The following SGSM2 variants were observed in gnomAD, a reference collection of about 807,000 sequenced individuals.
SGSM2 encodes the protein small G protein signaling modulator 2, also known as RUN and TBC1 domain containing 1.
Under a neutral mutation model 126.6 loss-of-function variants are expected in SGSM2, and 89 were observed. The ratio of observed to expected loss-of-function variants is 0.70; its 90% CI spans 0.59 to 0.84. The LOEUF is 0.84. Ranked by LOEUF, SGSM2 falls within the 40% of genes least tolerant of loss-of-function variation. The pLI is 0.00. For missense variants in SGSM2, 1,404 were observed against 1,416.6 expected, an observed-to-expected ratio of 0.99 and a Z score of 0.14; for synonymous variants, 614 against 574.3, an observed-to-expected ratio of 1.07 and a Z score of -0.99.
intron 1 of SGSM2, among the ~76,000 whole-genome samples, chr17:2,340,799 T>C (rs182688702): frequency 6.4e-4 from 98 of 152,158 alleles, no homozygotes; most frequent in Non-Finnish European, 8.8e-4. Flanking sequence ...TTAGCCAGGA[T>C]GGTCTCGATC....
chr17:2,359,532 G>A (rs192263241), intron 2 of SGSM2, among the ~76,000 whole-genome samples: 1 of 152,228 alleles, frequency 6.6e-6, no homozygotes, highest in Non-Finnish European at 1.5e-5. Context: ...TGGGGTAAAG[G>A]GGGGACTGAG....
At chr17:2,375,387 G>A (rs1356979641) in intron 17 of SGSM2, 105 bp from the exon 18 acceptor site, 14 of 1,387,100 alleles carry the variant, frequency 1.0e-5, no homozygotes, top group East Asian at 2.3e-5. Flanking sequence ...GTGGGAGAGG[G>A]GGTGTGAAGA....
At chr17:2,343,185 C>T (rs527829127) in intron 1 of SGSM2, among the ~76,000 whole-genome samples, 4 of 152,078 alleles carry the variant, frequency 2.6e-5, no homozygotes, top group Admixed American at 6.6e-5. Context: ...CAGGCTGTAC[C>T]GAGATGGTTT....
chr17:2,365,103 C>T (rs1316082085), intron 10 of SGSM2, 46 bp downstream of exon 10: 5 of 1,600,524 alleles, frequency 3.1e-6, no homozygotes, highest in South Asian at 1.1e-5. Flanking sequence ...GTGTGGGGTT[C>T]TCTGCCCGCC....
chr17:2,352,482 G>C (rs1044166417), intron 2 of SGSM2, among the ~76,000 whole-genome samples: 1 of 152,136 alleles, frequency 6.6e-6, no homozygotes, highest in Non-Finnish European at 1.5e-5. Flanking sequence ...CTGCCAACTT[G>C]CTGTCCTCCC....
chr17:2,358,858 TTTG>T (rs1202997749), intron 2 of SGSM2, among the ~76,000 whole-genome samples: 31 of 134,046 alleles, frequency 2.3e-4, no homozygotes, highest in African/African-American at 7.3e-4. Flanking sequence ...GGGGCTCTTT[TTTG>T]TTGTTGTTGT....
chr17:2,376,851 A>G, intron 20 of SGSM2, 36 bp downstream of exon 20: 1 of 1,612,956 alleles, frequency 6.2e-7, no homozygotes, highest in South Asian at 1.1e-5. Flanking sequence ...GGGCTGCGTA[A>G]GCTGGAGAAA....
At position 2,373,480 on chromosome 17, in the gene SGSM2, C is replaced by T. The variant is rs751364266; in HGVS notation, c.2067C>T (p.Arg689=). 2 of 1,599,182 alleles carry T rather than the reference C, an allele frequency of 1.3e-6. No homozygotes were observed. The highest frequency in any genetic ancestry group is 1.4e-5 in the African/African-American group (1 of 73,216). ...GCAGCATCGACAGCCACGTGCAGCG[C>T]CTCATCCACCGAGACTCCACCATCA... ...SGSSIDSHVQ[R]LIHRDSTISN... The change falls in exon 17 of 24, where the codon CGC becomes CGT. Residue 689 remains arginine (R), a synonymous_variant. Coordinates refer to ENST00000268989, the MANE Select transcript of SGSM2 (RefSeq NM_014853.3).
chr17:2,370,240 C>T lies in SGSM2; in HGVS notation c.1424-1022C>T, dbSNP rs529998737. Among the ~76,000 whole-genome samples, 19 of 152,380 alleles carry T rather than the reference C, an allele frequency of 1.2e-4. No individual in the cohort carries two copies. In the South Asian group the frequency reaches 2.1e-3, roughly 17 times the overall value. On this transcript the variant is annotated intron_variant, in intron 12 of 23. Coordinates refer to ENST00000268989, the MANE Select transcript of SGSM2 (RefSeq NM_014853.3). ...TCTTCTCCACTCTCTCCCTCCCTCC[C>T]GGCATCACCCCCCAGTGCTTCCACT...
At position 2,363,710 on chromosome 17, in the gene SGSM2, G is replaced by T. The variant is rs2065428867; in HGVS notation, c.807+111G>T. ...GAGGAGCTTGACCAGAGACGGGGGG[G>T]AGAATGGCCCCAGCCTCCCAACTCC... On this transcript the variant is annotated intron_variant, in intron 7 of 23. Coordinates refer to ENST00000268989, the MANE Select transcript of SGSM2 (RefSeq NM_014853.3). This position sits in a 1 kb window ranked among gnomAD's most constrained non-coding sequence, Gnocchi z 4.2. 2.8e-6 allele frequency: 4 copies of T among 1,439,114 alleles called. No homozygotes were observed. In the South Asian group the frequency reaches 4.1e-5, roughly 15 times the overall value. The allele number at this position is 1,439,114 out of a possible 1,614,324, so 89.1% of individuals were successfully genotyped here.
chr17:2,365,092 T>C (rs770677960), intron 10 of SGSM2, 35 bp downstream of exon 10: 11 of 1,604,932 alleles, frequency 6.9e-6, no homozygotes, highest in South Asian at 5.5e-5. Context: ...GGAAGGGCTG[T>C]GTGTGGGGTT....
At position 2,349,939 on chromosome 17, in the gene SGSM2, C is replaced by T. The variant is rs578076966; in HGVS notation, c.133+6319C>T. On this transcript the variant is annotated intron_variant, in intron 2 of 23. Transcript: ENST00000268989. ...AGTAGCTGGGACTACAGGCGCCCAC[C>T]ACCACGCTCGGCTAATTTTTTGTAT... Among the ~76,000 whole-genome samples the T allele has an allele frequency of 9.9e-4, 151 of 152,168 alleles. 2 individuals are homozygous for T. The highest frequency in any genetic ancestry group is 6.6e-3 in the South Asian group (32 of 4,820).
chr17:2,342,468 G>A (rs952160237), intron 1 of SGSM2, among the ~76,000 whole-genome samples: 3 of 151,936 alleles, frequency 2.0e-5, no homozygotes, highest in Admixed American at 1.3e-4. Flanking sequence ...CAAAACTGTC[G>A]TGTTGGAATC....
chr17:2,373,409 G>A lies in SGSM2; in HGVS notation c.1996G>A (p.Glu666Lys). Residue 666 changes from glutamate (E) to lysine (K), a missense_variant, in exon 17 of 24, where the codon GAG becomes AAG. By Grantham distance (56) the Glu-to-Lys change is moderately conservative. Coordinates refer to ENST00000268989, the MANE Select transcript of SGSM2 (RefSeq NM_014853.3). The part of the protein sequence containing the change: ...KACEVVVRQR[E>K]REAHPATRTK... ...CTGCGAGGTGGTGGTGAGGCAGCGG[G>A]AGCGGGAGGCCCACCCAGCCACACG... The A allele has an allele frequency of 1.2e-6, 2 of 1,612,300 alleles. No individual in the cohort carries two copies. The highest frequency in any genetic ancestry group is 1.7e-6 in the Non-Finnish European group (2 of 1,179,982).
rs2065899751 is a variant in SGSM2, at chr17:2,372,146, G to T, written c.1578-44G>T. 1.2e-6 allele frequency: 2 copies of T among 1,610,010 alleles called. No individual in the cohort carries two copies. Among genetic ancestry groups the T allele is most frequent in the Admixed American group, 1.7e-5 (1 of 59,982 alleles). ...CTCCCTTCTCTCTCTCCTCCCACCA[G>T]AGGGGCCGCAGCCCCTCCCTGCTGA... On this transcript the variant is annotated intron_variant, in intron 13 of 23. Transcript: ENST00000268989. This position sits in a 1 kb window ranked among gnomAD's most constrained non-coding sequence, Gnocchi z 6.0.
intron 2 of SGSM2, among the ~76,000 whole-genome samples, chr17:2,347,045 C>T (rs2064627509): frequency 6.6e-6 from 1 of 152,152 alleles, no homozygotes; most frequent in Non-Finnish European, 1.5e-5. Flanking sequence ...GCTATGATTG[C>T]ACCACTGCCC....
chr17:2,369,975 C>A (rs2065787968), intron 12 of SGSM2, among the ~76,000 whole-genome samples: 1 of 152,202 alleles, frequency 6.6e-6, no homozygotes, highest in Non-Finnish European at 1.5e-5. Flanking sequence ...AAACTCCCGG[C>A]CGTGGGTCTG....
rs1409888553 is a variant in SGSM2 at position 2,364,998 on chromosome 17, G to C, written c.1102G>C (p.Glu368Gln). Residue 368 changes from glutamate (E) to glutamine (Q), a missense_variant, in exon 10 of 24, where the codon GAG (glutamate) becomes CAG (glutamine). By Grantham distance (29) the Glu-to-Gln change is conservative (BLOSUM62 2). Transcript: ENST00000268989. The part of the protein sequence containing the change: ...GHLLSFLSCL[E>Q]NGLLPRGQLE... ...CCTGCTGTCCTTTCTGTCCTGTCTG[G>C]AGAATGGGCTGCTGCCTCGGGGACA... 6.2e-7 allele frequency: 1 copy of C among 1,613,556 alleles called. No homozygotes were observed. The highest frequency in any genetic ancestry group is 8.5e-7 in the Non-Finnish European group (1 of 1,179,986).
At chr17:2,346,189 A>T (rs2064591450) in intron 2 of SGSM2, among the ~76,000 whole-genome samples, 1 of 152,114 alleles carries the variant, frequency 6.6e-6, no homozygotes, top group Non-Finnish European at 1.5e-5. Flanking sequence ...AGTATAGAGA[A>T]CGTGCTGAGA....
Sources: allele counts gnomAD v4.1 joint callset (sites outside exome capture counted in the v4.1 genomes callset), GRCh38; gene constraint gnomAD v4.1.1; non-coding constraint Gnocchi (gnomAD v3.1); transcripts MANE v1.5; gene names NCBI Gene and HGNC (gene_info 2026-07-23, HGNC 2026-07-21).